The following USP46 variants were observed in gnomAD, a reference collection of about 807,000 sequenced individuals.
USP46 encodes ubiquitin specific peptidase 46.
In USP46, 12 loss-of-function variants were observed where a neutral mutation model predicts 44.4. That is an observed-to-expected ratio of 0.27 (90% CI 0.17 to 0.44). The LOEUF (loss-of-function observed/expected upper bound fraction) is 0.44, where lower values mean the gene tolerates loss of function less well. Ranked by LOEUF, USP46 falls within the 20% of genes least tolerant of loss-of-function variation. The probability of loss-of-function intolerance (pLI) is 1.00; values close to 1 mark genes in which losing one functional copy is unlikely to be tolerated. For synonymous variants in USP46, 155 were observed against 161.5 expected, an observed-to-expected ratio of 0.96 and a Z score of 0.31; for missense variants, 248 against 444.8, an observed-to-expected ratio of 0.56 and a Z score of 3.98.
intron 1 of USP46, chr4:52,655,417 G>A (rs1718914156): frequency 6.6e-6 from 1 of 152,136 alleles, no homozygotes; most frequent in African/African-American, 2.4e-5. Flanking sequence ...TTTCTCAGAG[G>A]TACATCTTAC....
chr4:52,603,695 CTTTTT>C (rs1716566904), intron 6 of USP46, among the ~76,000 whole-genome samples: 1 of 151,696 alleles, frequency 6.6e-6, no homozygotes, highest in South Asian at 2.1e-4. Context: ...TTTCTTTTTT[CTTTTT>C]TTGATACAGA....
chr4:52,656,390 C>G, intron 1 of USP46: 3 of 1,536,442 alleles, frequency 2.0e-6, no homozygotes, highest in Non-Finnish European at 2.6e-6. Context: ...TCCTCATACC[C>G]AGCCTTCTCC....
chr4:52,628,749 A>G (rs922841508), intron 2 of USP46, among the ~76,000 whole-genome samples: 1 of 152,150 alleles, frequency 6.6e-6, no homozygotes, highest in Non-Finnish European at 1.5e-5. Flanking sequence ...GCAGGCAAAA[A>G]TATGCTGCCT....
intron 1 of USP46, among the ~76,000 whole-genome samples, chr4:52,632,910 GAA>G (rs1717896678): frequency 1.1e-5 from 1 of 94,048 alleles, no homozygotes; most frequent in African/African-American, 4.7e-5. Flanking sequence ...GAAAGAGAAA[GAA>G]AGAAAGAGAA....
intron 3 of USP46, among the ~76,000 whole-genome samples, chr4:52,626,701 A>C (rs1029448405): frequency 6.6e-6 from 1 of 152,178 alleles, no homozygotes; most frequent in Admixed American, 6.5e-5. Context: ...AGCTTCAATG[A>C]GTAAGTTTCC....
At chr4:52,616,486 C>A (rs1191031440) in intron 4 of USP46, among the ~76,000 whole-genome samples, 2 of 152,172 alleles carry the variant, frequency 1.3e-5, no homozygotes, top group South Asian at 2.1e-4. Context: ...GATTCTTGTG[C>A]CTCAGCCTCC....
At chr4:52,607,256 T>C (rs772599862) in intron 5 of USP46, among the ~76,000 whole-genome samples, 3 of 152,138 alleles carry the variant, frequency 2.0e-5, no homozygotes, top group South Asian at 2.1e-4. Flanking sequence ...AGGGCATCCA[T>C]GAGTTGAGAA....
chr4:52,610,357 CTTT>C (rs1716894602), intron 5 of USP46, among the ~76,000 whole-genome samples, 181 bp downstream of exon 5: 1 of 152,134 alleles, frequency 6.6e-6, no homozygotes, highest in Non-Finnish European at 1.5e-5. Flanking sequence ...ATTTTATGCT[CTTT>C]TTTCTCAGTG....
intron 1 of USP46, among the ~76,000 whole-genome samples, chr4:52,638,682 C>T (rs1718215051): frequency 6.7e-6 from 1 of 149,762 alleles, no homozygotes; most frequent in African/African-American, 2.5e-5. Context: ...ATATATTACT[C>T]GTGGGAGCAA....
chr4:52,609,894 ATTTCTTT>A lies in USP46; in HGVS notation c.638+640_638+646del, dbSNP rs1716862931. Reference sequence around the variant, plus strand: ...TTATGGAAACCTAAACCTCAATTCTATTTCTTTTTTTTTTTTTTTTTTTTTTTTTTTT... The same window carrying A: ...TTATGGAAACCTAAACCTCAATTCTATTTTTTTTTTTTTTTTTTTTTTTTT... On this transcript the variant is annotated intron_variant, in intron 5 of 8. Transcript: ENST00000441222. Among the ~76,000 whole-genome samples, 7 of 20,692 alleles carry A rather than the reference ATTTCTTT, an allele frequency of 3.4e-4. 1 individual carries two copies. The highest frequency in any genetic ancestry group is 3.1e-3 in the Admixed American group (6 of 1,946). The allele number at this position is 20,692 out of a possible 152,430, so 13.6% of individuals were successfully genotyped here.
At chr4:52,657,373 G>C (rs1718992987) in intron 1 of USP46, among the ~76,000 whole-genome samples, 1 of 152,092 alleles carries the variant, frequency 6.6e-6, no homozygotes, top group Admixed American at 6.5e-5. Flanking sequence ...GGGTGGGTGG[G>C]GGGACGCGTG....
In USP46 at chr4:52,652,469, C is replaced by G. The variant is rs986344364; in HGVS notation, c.36+6646G>C. ...TTCACAACTGTTCATTGCATTAAAA[C>G]AGCACACTCACAAATTTGTAAACCT... On this transcript the variant is annotated intron_variant, in intron 1 of 8. Coordinates refer to ENST00000441222, the MANE Select transcript of USP46 (RefSeq NM_022832.4). Among the ~76,000 whole-genome samples the G allele has an allele frequency of 3.3e-5, 5 of 152,206 alleles. 1 individual carries two copies. The South Asian group carries it at 1.0e-3, about 32-fold the overall frequency.
intron 5 of USP46, among the ~76,000 whole-genome samples, chr4:52,606,210 A>AAG (rs1356874625): frequency 6.6e-6 from 1 of 152,208 alleles, no homozygotes; most frequent in Non-Finnish European, 1.5e-5. Flanking sequence ...AGCACAGAGA[A>AAG]AGAGGGAAAG....
At chr4:52,607,722 T>C (rs1250231506) in intron 5 of USP46, among the ~76,000 whole-genome samples, 4 of 152,076 alleles carry the variant, frequency 2.6e-5, no homozygotes, top group African/African-American at 7.2e-5. Context: ...GGAGAGTTCT[T>C]GCAAGATCTG....
chr4:52,604,125 C>G (rs1336072960), intron 6 of USP46, among the ~76,000 whole-genome samples: 1 of 152,148 alleles, frequency 6.6e-6, no homozygotes, highest in East Asian at 1.9e-4. Flanking sequence ...TATTGGGTGT[C>G]TACTATGTGT....
rs2109581428 is a variant in USP46 at position 52,591,917 on chromosome 4, G to A, written c.*5723C>T. The A allele has an allele frequency of 6.6e-6, 1 of 152,302 alleles. No individual in the cohort carries two copies. Among genetic ancestry groups the A allele is most frequent in the Middle Eastern group, 3.4e-3 (1 of 294 alleles). The allele number at this position is 152,302 out of a possible 1,614,324, so 9.4% of individuals were successfully genotyped here. A position where few individuals can be genotyped will look rare whatever the true frequency, so the allele number is the denominator to read the frequency against. On this transcript the variant is annotated 3_prime_UTR_variant, in exon 9 of 9. Coordinates refer to ENST00000441222, the MANE Select transcript of USP46 (RefSeq NM_022832.4). ...GATACTGGCTCTTTTAACATGAGAAGAGGCAAAACGTGAAGTTCATTGTTG... is the reference window on the plus strand; with the variant it reads ...GATACTGGCTCTTTTAACATGAGAAAAGGCAAAACGTGAAGTTCATTGTTG...
intron 1 of USP46, among the ~76,000 whole-genome samples, chr4:52,631,956 A>T (rs1337790619): frequency 6.7e-6 from 1 of 149,486 alleles, no homozygotes; most frequent in Admixed American, 6.7e-5. Flanking sequence ...CAGTGAGCCA[A>T]GATTGTGCCA....
chr4:52,612,388 C>T (rs191481070), intron 4 of USP46, among the ~76,000 whole-genome samples: 3 of 152,326 alleles, frequency 2.0e-5, no homozygotes, highest in Non-Finnish European at 4.4e-5. Flanking sequence ...TCACCATTGC[C>T]TCTACTGGCT....
intron 1 of USP46, among the ~76,000 whole-genome samples, chr4:52,658,843 A>C (rs1346812298): frequency 2.0e-5 from 3 of 151,810 alleles, no homozygotes; most frequent in African/African-American, 7.3e-5. Context: ...CTTCCACCGC[A>C]ACCCGAGGGC....
Sources: allele counts gnomAD v4.1 joint callset (sites outside exome capture counted in the v4.1 genomes callset), GRCh38; gene constraint gnomAD v4.1.1; transcripts MANE v1.5; gene names NCBI Gene and HGNC (gene_info 2026-07-23, HGNC 2026-07-21).